NOL4: variants seen among roughly 807,000 people sequenced by gnomAD.
The protein encoded by NOL4 is cancer/testis antigen 125.
Under a neutral mutation model 75.9 loss-of-function variants are expected in NOL4, and 17 were observed. The ratio of observed to expected loss-of-function variants is 0.22; its 90% CI spans 0.15 to 0.34. The LOEUF is 0.34. Ranked by LOEUF, NOL4 falls within the 10% of genes least tolerant of loss-of-function variation. The pLI is 1.00. For missense variants in NOL4, 614 were observed against 793.5 expected (o/e 0.77, Z 2.72); for synonymous variants, 292 against 289.9 (o/e 1.01, Z -0.07).
intron 5 of NOL4, among the ~76,000 whole-genome samples, chr18:34,027,503 G>A (rs551757091): frequency 6.6e-6 from 1 of 152,316 alleles, no homozygotes; most frequent in African/African-American, 2.4e-5. Context: ...CTTCACTGCT[G>A]TATGCCTTGA....
intron 1 of NOL4, among the ~76,000 whole-genome samples, chr18:34,214,379 G>T (rs2036732716): frequency 6.6e-6 from 1 of 152,024 alleles, no homozygotes; most frequent in Admixed American, 6.6e-5. Flanking sequence ...TATATACTGG[G>T]GGAATCTTTT....
At chr18:33,958,447 T>C (rs369085805) in intron 6 of NOL4, 29 bp from the exon 7 acceptor site, 38 of 1,557,122 alleles carry the variant, frequency 2.4e-5, no homozygotes, top group Non-Finnish European at 2.6e-5. Flanking sequence ...ATAACTGCTT[T>C]TAAATTCATT....
intron 10 of NOL4, among the ~76,000 whole-genome samples, chr18:33,855,888 T>C (rs2062816139): frequency 6.6e-6 from 1 of 151,996 alleles, no homozygotes; most frequent in Non-Finnish European, 1.5e-5. Context: ...TTATGGTGCA[T>C]TTTTGGTTGT....
chr18:33,993,557 C>T (rs760779921), intron 6 of NOL4, among the ~76,000 whole-genome samples: 4 of 151,590 alleles, frequency 2.6e-5, no homozygotes, highest in Non-Finnish European at 4.4e-5. Context: ...ACAACAAAAC[C>T]CTAATATATG....
chr18:34,093,733 T>TAG, intron 4 of NOL4, 136 bp from the exon 5 acceptor site: 1 of 653,084 alleles, frequency 1.5e-6, no homozygotes, highest in Admixed American at 3.7e-5. Context: ...TACAAACTAA[T>TAG]AGATGTTTAA....
chr18:33,927,526 C>T (rs2067414343), intron 9 of NOL4, among the ~76,000 whole-genome samples: 1 of 152,050 alleles, frequency 6.6e-6, no homozygotes. Flanking sequence ...GGACTGTTGA[C>T]ACTCTCCCAG....
rs541216998 is a variant in NOL4, at chr18:34,085,692, C to A, written c.772+7773G>T. ...CACTAAAAAAGGTAGAGCAAACTCC[C>A]AAATAAGTGATCTTAAATGTAAAAA... On this transcript the variant is annotated intron_variant, in intron 5 of 10. Coordinates refer to ENST00000261592, the MANE Select transcript of NOL4 (RefSeq NM_003787.5). 3.9e-5 allele frequency among the ~76,000 whole-genome samples: 6 copies of A among 152,218 alleles called. No individual in the cohort carries two copies. The East Asian group carries it at 1.2e-3, about 29-fold the overall frequency.
intron 6 of NOL4, among the ~76,000 whole-genome samples, chr18:34,007,611 C>A (rs1279822079): frequency 6.6e-6 from 1 of 151,896 alleles, no homozygotes; most frequent in Non-Finnish European, 1.5e-5. Flanking sequence ...TGTTTTCTTT[C>A]CTGTCTTATT....
chr18:33,866,418 G>A (rs1457990101), intron 10 of NOL4, among the ~76,000 whole-genome samples: 2 of 152,038 alleles, frequency 1.3e-5, no homozygotes, highest in African/African-American at 2.4e-5. Context: ...AAAAATTGCT[G>A]TTGAACATCT....
intron 8 of NOL4, among the ~76,000 whole-genome samples, chr18:33,952,002 C>T (rs771211674): frequency 3.3e-5 from 5 of 152,098 alleles, no homozygotes; most frequent in Non-Finnish European, 5.9e-5. Context: ...AAGTTGTTAC[C>T]CAATCCAAAG....
At chr18:33,879,676 G>A (rs899816886) in intron 10 of NOL4, among the ~76,000 whole-genome samples, 1 of 151,906 alleles carries the variant, frequency 6.6e-6, no homozygotes, top group African/African-American at 2.4e-5. Flanking sequence ...GTGAAACCCT[G>A]TCCTAAAAAT....
intron 9 of NOL4, among the ~76,000 whole-genome samples, chr18:33,926,900 G>A (rs1223808737): frequency 6.6e-6 from 1 of 152,068 alleles, no homozygotes; most frequent in East Asian, 1.9e-4. Flanking sequence ...GCCTGGCCAA[G>A]AATTTTTTCC....
chr18:33,883,438 C>G lies in NOL4; in HGVS notation c.1543-14G>C. On this transcript the variant is annotated splice_polypyrimidine_tract_variant and intron_variant, in intron 9 of 10. Transcript: ENST00000261592. Reference sequence around the variant, plus strand: ...AGCAGACTCATCCTGCAAGGACAGACAGCATTCCATTATTTATCACCTCAC... The same window carrying G: ...AGCAGACTCATCCTGCAAGGACAGAGAGCATTCCATTATTTATCACCTCAC... 1 of 1,591,382 alleles carries G rather than the reference C, an allele frequency of 6.3e-7. No individual in the cohort carries two copies. The highest frequency in any genetic ancestry group is 8.5e-7 in the Non-Finnish European group (1 of 1,171,822).
At chr18:34,129,754 A>G in intron 2 of NOL4, 117 bp downstream of exon 2, 1 of 938,764 alleles carries the variant, frequency 1.1e-6, no homozygotes, top group South Asian at 2.6e-5. Flanking sequence ...CATGACCATC[A>G]TATGGCCTAA....
chr18:34,147,515 C>T (rs777587510), intron 1 of NOL4, among the ~76,000 whole-genome samples: 3 of 152,022 alleles, frequency 2.0e-5, no homozygotes, highest in African/African-American at 4.8e-5. Context: ...TGATGGATTA[C>T]GTTTATTGAT....
intron 9 of NOL4, among the ~76,000 whole-genome samples, chr18:33,898,515 C>T (rs1052159884): frequency 3.3e-5 from 5 of 152,048 alleles, no homozygotes; most frequent in African/African-American, 1.2e-4. Context: ...ACCAGTGTTC[C>T]TTGTTCTAGT....
intron 6 of NOL4, among the ~76,000 whole-genome samples, chr18:33,961,116 T>G (rs2070086028): frequency 6.6e-6 from 1 of 151,834 alleles, no homozygotes; most frequent in Non-Finnish European, 1.5e-5. Flanking sequence ...ATAAATGGTT[T>G]CAAATATATA....
rs1296730091 is a variant in NOL4, at chr18:33,958,337, T to C, written c.1138A>G (p.Arg380Gly). Residue 380 changes from arginine (R) to glycine (G), a missense_variant, in exon 7 of 11, where the codon AGG becomes GGG. This residue lies in a region of NOL4 where 196 missense variants were observed against 167.9 expected (regional missense o/e 1.17). Transcript: ENST00000261592. Reference protein sequence around the residue: ...DRGAEDLSLNRGDEDEDDHED... With the variant: ...DRGAEDLSLNGGDEDEDDHED... ...TGGTCATCTTCGTCCTCATCTCCCC[T>C]GTTTAGTGAGAGGTCCTCAGCTCCT... 2 of 1,613,392 alleles carry C rather than the reference T, an allele frequency of 1.2e-6. No individual in the cohort carries two copies. The highest frequency in any genetic ancestry group is 8.5e-7 in the Non-Finnish European group (1 of 1,179,664).
At chr18:34,145,628 G>T (rs1341785477) in intron 1 of NOL4, among the ~76,000 whole-genome samples, 28 of 151,350 alleles carry the variant, frequency 1.9e-4, no homozygotes, top group Non-Finnish European at 5.9e-5. Context: ...ATGTATTTGA[G>T]TTACTATTTT....
Sources: allele counts gnomAD v4.1 joint callset (sites outside exome capture counted in the v4.1 genomes callset), GRCh38; gene constraint gnomAD v4.1.1; regional missense constraint gnomAD v4.1.1; transcripts MANE v1.5; gene names NCBI Gene and HGNC (gene_info 2026-07-23, HGNC 2026-07-21).